Variants in NOX3 observed in about 807,000 individuals in gnomAD.
The protein encoded by NOX3 is NADPH oxidase catalytic subunit-like 3.
NOX3 carries 74 observed loss-of-function variants against 76.7 expected under a neutral mutation model. That is an observed-to-expected ratio of 0.96 (90% CI 0.80 to 1.17). NOX3 has a LOEUF of 1.17. NOX3 is among the 50% of genes most tolerant of loss of function. The pLI, the probability that NOX3 is intolerant of heterozygous loss-of-function variation, is 0.00. For synonymous variants in NOX3, 263 were observed against 261.1 expected (o/e 1.01, Z -0.07); for missense variants, 695 against 703.3 (o/e 0.99, Z 0.13).
intron 5 of NOX3, among the ~76,000 whole-genome samples, chr6:155,441,998 C>T (rs953901689): frequency 2.0e-5 from 3 of 152,192 alleles, no homozygotes; most frequent in Non-Finnish European, 4.4e-5. Context: ...AGCGCGGTGG[C>T]TCACGCCTGT....
intron 9 of NOX3, among the ~76,000 whole-genome samples, chr6:155,423,514 G>A (rs1776717776): frequency 6.6e-6 from 1 of 152,056 alleles, no homozygotes; most frequent in Non-Finnish European, 1.5e-5. Context: ...TTCTTAATAA[G>A]GATAAAGTAT....
Position 155,443,339 on chromosome 6 carries a change from G to T in NOX3, c.420C>A (p.Ala140=), listed in dbSNP as rs757136273. ...GGGTGTTGCCCAGCTTGGAAAGTGC[G>T]GCCAGAAGTCCCTGGGCCTCCTCGG... ...SQSEEAQGLL[A]ALSKLGNTPN... is the part of the protein sequence containing the mutation. Residue 140 remains alanine (A), a synonymous_variant, in exon 5 of 14, where the codon GCC becomes GCA. Coordinates refer to ENST00000159060, the MANE Select transcript of NOX3 (RefSeq NM_015718.3). The T allele has an allele frequency of 6.2e-7, 1 of 1,614,110 alleles. No homozygotes were observed. Among genetic ancestry groups the T allele is most frequent in the Non-Finnish European group, 8.5e-7 (1 of 1,180,000 alleles).
intron 12 of NOX3, among the ~76,000 whole-genome samples, chr6:155,401,464 A>G (rs1779225366): frequency 6.6e-6 from 1 of 152,228 alleles, no homozygotes; most frequent in Non-Finnish European, 1.5e-5. Flanking sequence ...CCTGTATGCT[A>G]TAATCAGAAT....
intron 7 of NOX3, among the ~76,000 whole-genome samples, chr6:155,432,149 A>G (rs1776842945): frequency 3.9e-5 from 6 of 152,108 alleles, no homozygotes; most frequent in African/African-American, 1.2e-4. Context: ...ATGTATCATG[A>G]TAAGGTCAGG....
At position 155,411,334 on chromosome 6, in the gene NOX3, A is replaced by C; in HGVS notation, c.1335T>G (p.Asp445Glu). ...SKVYFYWICR[D>E]ARAFEWFADL... is the part of the protein sequence containing the mutation. ...CAGCAAACCACTCAAAAGCTCTTGC[A>C]TCCCGGCAAATCCAGTAGAAATACA... The change falls in exon 11 of 14, where the codon GAT becomes GAG. Residue 445 changes from aspartate to glutamate, a missense_variant. Coordinates refer to ENST00000159060, the MANE Select transcript of NOX3 (RefSeq NM_015718.3). 1 of 1,613,956 alleles carries C rather than the reference A, an allele frequency of 6.2e-7. No homozygotes were observed. The highest frequency in any genetic ancestry group is 1.7e-5 in the Admixed American group (1 of 60,022).
rs866068328 is a variant in NOX3 at position 155,412,640 on chromosome 6, C to T, written c.1309-1280G>A. Among the ~76,000 whole-genome samples the T allele has an allele frequency of 5.3e-5, 8 of 152,274 alleles. No individual in the cohort carries two copies. The Middle Eastern group carries it at 0.01, about 194-fold the overall frequency. ...AAGAGAGAGGGTTGCCTTTCCTTTC[C>T]TGACACTTATTTCTTCCTAGGGATG... is the stretch of plus-strand genomic sequence containing the variant. On this transcript the variant is annotated intron_variant, in intron 10 of 13. Coordinates refer to ENST00000159060, the MANE Select transcript of NOX3 (RefSeq NM_015718.3).
chr6:155,422,766 A>G lies in NOX3; in HGVS notation c.1236T>C (p.Thr412=). The part of the protein sequence containing the change: ...CVCVAAGIGV[T]PFAALLKSIW... ...TAGATTTCAGAAGAGCAGCGAAGGG[A>G]GTGACTCCGATCCCCGCGGCAACGC... is the stretch of plus-strand genomic sequence containing the variant. Residue 412 remains threonine, a synonymous_variant, in exon 10 of 14, where the codon ACT becomes ACC. Transcript: ENST00000159060. The G allele has an allele frequency of 6.2e-7, 1 of 1,614,164 alleles. No individual in the cohort carries two copies. Among genetic ancestry groups the G allele is most frequent in the Middle Eastern group, 1.6e-4 (1 of 6,062 alleles).
chr6:155,401,041 C>A (rs55781833), intron 12 of NOX3, among the ~76,000 whole-genome samples: 14 of 152,142 alleles, frequency 9.2e-5, no homozygotes. Context: ...CAACCCTTCC[C>A]CACCCCAATA....
rs1777194803 is a variant in NOX3 at position 155,455,015 on chromosome 6, A to T, written c.144+19T>A. On this transcript the variant is annotated intron_variant, in intron 2 of 13. Transcript: ENST00000159060. The stretch of plus-strand genomic sequence containing the variant: ...TTTGTTTTCTGAAAAAATAATGTTT[A>T]ATCATAAACTGTACTTACACCCAAA... The T allele has an allele frequency of 1.3e-6, 2 of 1,587,570 alleles. No individual in the cohort carries two copies. The highest frequency in any genetic ancestry group is 2.7e-5 in the African/African-American group (2 of 74,142).
At chr6:155,407,595 C>T (rs1232992189) in intron 11 of NOX3, among the ~76,000 whole-genome samples, 2 of 152,228 alleles carry the variant, frequency 1.3e-5, no homozygotes, top group Non-Finnish European at 2.9e-5. Context: ...TCCTTCTTTT[C>T]CTGCCAAACT....
At chr6:155,410,110 T>C (rs1776521584) in intron 11 of NOX3, among the ~76,000 whole-genome samples, 1 of 152,202 alleles carries the variant, frequency 6.6e-6, no homozygotes, top group Non-Finnish European at 1.5e-5. Context: ...ATTAACACTA[T>C]ATAATTCATT....
At chr6:155,414,721 G>A (rs760451675) in intron 10 of NOX3, among the ~76,000 whole-genome samples, 11 of 146,758 alleles carry the variant, frequency 7.5e-5, no homozygotes, top group East Asian at 2.0e-4. Flanking sequence ...TCCACCTCCC[G>A]GGTTCAAGTG....
chr6:155,430,493 G>A (rs1417925340), intron 8 of NOX3, among the ~76,000 whole-genome samples: 4 of 151,906 alleles, frequency 2.6e-5, no homozygotes, highest in African/African-American at 7.3e-5. Flanking sequence ...GTGCCTTTAC[G>A]TGGTGAAGAA....
intron 7 of NOX3, among the ~76,000 whole-genome samples, chr6:155,433,614 A>C (rs569825113): frequency 6.6e-6 from 1 of 151,462 alleles, no homozygotes; most frequent in East Asian, 2.0e-4. Flanking sequence ...CACAGAGATA[A>C]GTAGAACGTT....
At chr6:155,396,002 T>C (rs1779133775) in intron 13 of NOX3, among the ~76,000 whole-genome samples, 1 of 152,298 alleles carries the variant, frequency 6.6e-6, no homozygotes. Context: ...ATATGGCATA[T>C]AAGCTCTAAG....
At chr6:155,436,257 C>T (rs1776901876) in intron 7 of NOX3, among the ~76,000 whole-genome samples, 161 bp downstream of exon 7, 1 of 152,198 alleles carries the variant, frequency 6.6e-6, no homozygotes, top group Non-Finnish European at 1.5e-5. Context: ...CAGTAAACCT[C>T]TTTAAAAATT....
At chr6:155,426,984 CGTGTGTGTGTGTGTGTGTGT>C (rs764029957) in intron 9 of NOX3, among the ~76,000 whole-genome samples, 1 of 41,906 alleles carries the variant, frequency 2.4e-5, no homozygotes, top group African/African-American at 8.6e-5. Context: ...GACACTGTGG[CGTGTGTGTGTGTGTGTGTGT>C]GTGTGTGTGT....
intron 7 of NOX3, among the ~76,000 whole-genome samples, chr6:155,432,910 T>C (rs930172287): frequency 4.0e-5 from 6 of 149,194 alleles, no homozygotes; most frequent in Non-Finnish European, 9.0e-5. Flanking sequence ...TTAGGTCTCT[T>C]ATGCTTGAAT....
intron 11 of NOX3, among the ~76,000 whole-genome samples, chr6:155,408,597 G>A (rs897788884): frequency 6.6e-6 from 1 of 152,094 alleles, no homozygotes; most frequent in African/African-American, 2.4e-5. Flanking sequence ...CAACAGGTCA[G>A]GAGACAATGG....
Sources: gnomAD v4.1 joint callset for allele counts (sites outside exome capture counted in the v4.1 genomes callset) on GRCh38, gnomAD v4.1.1 for gene constraint, MANE v1.5 for transcripts, NCBI Gene and HGNC (gene_info 2026-07-23, HGNC 2026-07-21) for gene names.